Variants in CAMTA1 observed in about 807,000 individuals in gnomAD.
CAMTA1 encodes calmodulin binding transcription activator 1, also known as calmodulin-binding transcription activator 1.
In CAMTA1, 27 loss-of-function variants were observed where a neutral mutation model predicts 170.9. The ratio of observed to expected loss-of-function variants is 0.16; its 90% confidence interval spans 0.12 to 0.22. The LOEUF (loss-of-function observed/expected upper bound fraction) is 0.22, where lower values mean the gene tolerates loss of function less well. Among genes scored for constraint, CAMTA1 ranks in the 10% least tolerant of loss-of-function variants. The probability of loss-of-function intolerance (pLI) is 1.00; values close to 1 mark genes in which losing one functional copy is unlikely to be tolerated. For synonymous variants in CAMTA1, 833 were observed against 891.5 expected (o/e 0.93, Z 1.17); for missense variants, 1,619 against 2,217.2 (o/e 0.73, Z 5.42).
intron 5 of CAMTA1, among the ~76,000 whole-genome samples, chr1:7,380,409 T>C (rs1479050756): frequency 6.6e-6 from 1 of 152,098 alleles, no homozygotes; most frequent in Non-Finnish European, 1.5e-5. Context: ...ACCCCGTCTC[T>C]ACTAAAAATA....
intron 5 of CAMTA1, among the ~76,000 whole-genome samples, chr1:7,376,170 A>G (rs560333182): frequency 1.3e-5 from 2 of 152,262 alleles, no homozygotes; most frequent in African/African-American, 4.8e-5. Flanking sequence ...AAAGTGCAGA[A>G]GTATGAATAG....
At chr1:7,204,830 C>CTTTTTTT (rs367812076) in intron 4 of CAMTA1, among the ~76,000 whole-genome samples, 18 of 86,802 alleles carry the variant, frequency 2.1e-4, no homozygotes, top group African/African-American at 3.7e-4. Flanking sequence ...TTCTTTTTTT[C>CTTTTTTT]TTTTTTTTTT....
chr1:7,225,608 G>A (rs1661564662), intron 4 of CAMTA1, among the ~76,000 whole-genome samples: 1 of 152,224 alleles, frequency 6.6e-6, no homozygotes, highest in Non-Finnish European at 1.5e-5. Context: ...CGGCACCCCA[G>A]TGCAATGTGC....
chr1:7,568,842 A>G (rs1017883687), intron 6 of CAMTA1, among the ~76,000 whole-genome samples: 2 of 149,636 alleles, frequency 1.3e-5, no homozygotes, highest in African/African-American at 5.0e-5. Flanking sequence ...CACCATCATC[A>G]TCATCACCAC....
chr1:6,844,375 AAG>A (rs1657095518), intron 3 of CAMTA1, among the ~76,000 whole-genome samples: 1 of 152,120 alleles, frequency 6.6e-6, no homozygotes, highest in Non-Finnish European at 1.5e-5. Flanking sequence ...TTTTAATAAA[AAG>A]TTCACTGAAA....
chr1:7,696,213 T>C (rs1286635283), intron 11 of CAMTA1, among the ~76,000 whole-genome samples: 1 of 152,192 alleles, frequency 6.6e-6, no homozygotes, highest in Non-Finnish European at 1.5e-5. Flanking sequence ...GTTTTGTTTT[T>C]TGATACGGAG....
intron 3 of CAMTA1, among the ~76,000 whole-genome samples, chr1:6,851,017 T>C (rs1224397764): frequency 6.6e-6 from 1 of 152,124 alleles, no homozygotes; most frequent in Non-Finnish European, 1.5e-5. Context: ...ACTCAGAACC[T>C]CAGATGAGCT....
intron 9 of CAMTA1, 97 bp from the exon 10 acceptor site, chr1:7,670,814 A>C: frequency 1.4e-6 from 2 of 1,402,462 alleles, no homozygotes; most frequent in East Asian, 4.6e-5. Flanking sequence ...AGGGGTACAG[A>C]CCCCCATCTG....
At chr1:6,858,546 T>TCAGTATA (rs1283669275) in intron 3 of CAMTA1, among the ~76,000 whole-genome samples, 1 of 151,610 alleles carries the variant, frequency 6.6e-6, no homozygotes, top group Admixed American at 6.6e-5. Context: ...GCCGGCATTA[T>TCAGTATA]ACTGGTGTGG....
chr1:7,586,909 C>T (rs943780674), intron 6 of CAMTA1, among the ~76,000 whole-genome samples: 1 of 151,960 alleles, frequency 6.6e-6, no homozygotes, highest in African/African-American at 2.4e-5. Context: ...GACGTCCCCA[C>T]CTTGTGGCTA....
chr1:7,646,453 ATGGAGGCCCTGGTGACTGAGGG>A (rs2095805808), intron 7 of CAMTA1, among the ~76,000 whole-genome samples: 1 of 128,026 alleles, frequency 7.8e-6, no homozygotes, highest in African/African-American at 3.1e-5. Flanking sequence ...GTTGAGGCGG[ATGGAGGCCCTGGTGACTGAGGG>A]TGGAGGCCAT....
chr1:7,082,906 A>C (rs1640221111), intron 3 of CAMTA1, among the ~76,000 whole-genome samples: 1 of 152,050 alleles, frequency 6.6e-6, no homozygotes, highest in African/African-American at 2.4e-5. Context: ...TGGATCCTGC[A>C]CCCCATCTGT....
chr1:6,980,715 C>T (rs1198935532), intron 3 of CAMTA1, among the ~76,000 whole-genome samples: 1 of 152,134 alleles, frequency 6.6e-6, no homozygotes, highest in Non-Finnish European at 1.5e-5. Context: ...AGTTCCCCTG[C>T]ACACACACTC....
At chr1:7,021,076 G>T (rs572681372) in intron 3 of CAMTA1, among the ~76,000 whole-genome samples, 1 of 152,208 alleles carries the variant, frequency 6.6e-6, no homozygotes, top group Non-Finnish European at 1.5e-5. Flanking sequence ...GGACCTGCCC[G>T]GGGGCTCCAT....
chr1:7,547,841 C>A lies in CAMTA1; in HGVS notation c.510+79940C>A, dbSNP rs1188560010. On this transcript the variant is annotated intron_variant, in intron 6 of 22. Coordinates refer to ENST00000303635, the MANE Select transcript of CAMTA1 (RefSeq NM_015215.4). The surrounding 1 kb of genome is among the most constrained non-coding windows in gnomAD (Gnocchi z 5.7). Reference sequence around the variant, plus strand: ...CCACCCCATGTGGGCCCCCTCCAAACCCAGACTCTGACACCCCTTGCAAGG... The same window carrying A: ...CCACCCCATGTGGGCCCCCTCCAAAACCAGACTCTGACACCCCTTGCAAGG... Among the ~76,000 whole-genome samples the A allele has an allele frequency of 1.3e-5, 2 of 152,090 alleles. No individual in the cohort carries two copies. The highest frequency in any genetic ancestry group is 4.8e-5 in the African/African-American group (2 of 41,406).
intron 6 of CAMTA1, among the ~76,000 whole-genome samples, chr1:7,519,496 C>T (rs1470259766): frequency 3.3e-5 from 5 of 151,940 alleles, no homozygotes; most frequent in Non-Finnish European, 7.4e-5. Context: ...GGCAGGGCTT[C>T]TGCCAGGCTT....
intron 3 of CAMTA1, among the ~76,000 whole-genome samples, chr1:7,012,590 C>T (rs1306856552): frequency 6.6e-6 from 1 of 152,194 alleles, no homozygotes; most frequent in Non-Finnish European, 1.5e-5. Flanking sequence ...GGGCTGAGTG[C>T]TGTGGGCGCT....
chr1:7,104,184 AAC>A (rs1302359870), intron 4 of CAMTA1, among the ~76,000 whole-genome samples: 3 of 150,018 alleles, frequency 2.0e-5, no homozygotes, highest in Admixed American at 6.6e-5. Flanking sequence ...ATATACACAC[AAC>A]ACACATGCAC....
intron 1 of CAMTA1, among the ~76,000 whole-genome samples, chr1:6,798,548 G>A (rs1643114191): frequency 6.6e-6 from 1 of 150,822 alleles, no homozygotes; most frequent in Non-Finnish European, 1.5e-5. Context: ...CTCTTGGGTA[G>A]CTGGGACCAC....
Sources: allele counts gnomAD v4.1 joint callset (sites outside exome capture counted in the v4.1 genomes callset), GRCh38; gene constraint gnomAD v4.1.1; non-coding constraint Gnocchi (gnomAD v3.1); transcripts MANE v1.5; gene names NCBI Gene and HGNC (gene_info 2026-07-23, HGNC 2026-07-21).